The following TGFBR3 variants were observed in gnomAD, a reference collection of about 807,000 sequenced individuals.
TGFBR3 encodes transforming growth factor beta receptor type 3.
TGFBR3 carries 46 observed loss-of-function variants against 87.9 expected under a neutral mutation model. The ratio of observed to expected loss-of-function variants is 0.52; its 90% CI spans 0.41 to 0.67. The LOEUF is 0.67. Ranked by LOEUF, TGFBR3 falls within the 30% of genes least tolerant of loss-of-function variation. The pLI is 0.00. For missense variants in TGFBR3, 866 were observed against 1,041.9 expected, an observed-to-expected ratio of 0.83 and a Z score of 2.32; for synonymous variants, 381 against 391.6, an observed-to-expected ratio of 0.97 and a Z score of 0.32.
At chr1:91,835,633 C>T (rs1284221071) in intron 2 of TGFBR3, among the ~76,000 whole-genome samples, 1 of 151,916 alleles carries the variant, frequency 6.6e-6, no homozygotes, top group Non-Finnish European at 1.5e-5. Context: ...TCGAGACCAT[C>T]CTGGCTAACA....
chr1:91,900,034 T>C (rs2101348193), intron 1 of TGFBR3, among the ~76,000 whole-genome samples: 1 of 152,252 alleles, frequency 6.6e-6, no homozygotes, highest in African/African-American at 2.4e-5. Flanking sequence ...TGCATAGATA[T>C]TTGGAGTAGT....
intron 2 of TGFBR3, among the ~76,000 whole-genome samples, chr1:91,830,259 G>A (rs899050810): frequency 6.6e-6 from 1 of 152,170 alleles, no homozygotes; most frequent in African/African-American, 2.4e-5. Flanking sequence ...AGCCTGGCAG[G>A]GTTATGCTTG....
At chr1:91,815,764 T>C (rs1266140815) in intron 2 of TGFBR3, among the ~76,000 whole-genome samples, 1 of 152,142 alleles carries the variant, frequency 6.6e-6, no homozygotes, top group Non-Finnish European at 1.5e-5. Flanking sequence ...AAGAGACAAA[T>C]GAAATCAATC....
intron 4 of TGFBR3, among the ~76,000 whole-genome samples, chr1:91,735,653 C>T (rs1166850946): frequency 6.6e-6 from 1 of 152,196 alleles, no homozygotes; most frequent in African/African-American, 2.4e-5. Flanking sequence ...ATGACGTATG[C>T]AAGTACCTCA....
At position 91,897,211 on chromosome 1, in the gene TGFBR3, G is replaced by A. The variant is rs116023634; in HGVS notation, c.-114+2426C>T. Among the ~76,000 whole-genome samples the A allele has an allele frequency of 9.3e-4, 142 of 152,288 alleles. 1 individual carries two copies. Among genetic ancestry groups the A allele is most frequent in the African/African-American group, 3.2e-3 (134 of 41,566 alleles). ...CTCTGCAGCTCCACTGCCTTTGCAG[G>A]TATTGTACTGTCAAATGTAGCCTGC... On this transcript the variant is annotated intron_variant, in intron 2 of 17. Transcript: ENST00000370399.
At chr1:91,833,427 C>T (rs1211773879) in intron 2 of TGFBR3, among the ~76,000 whole-genome samples, 1 of 123,882 alleles carries the variant, frequency 8.1e-6, no homozygotes, top group Admixed American at 8.7e-5. Context: ...CACCACTGCA[C>T]TCCACCCTGG....
At chr1:91,830,603 A>G (rs753655851) in intron 2 of TGFBR3, among the ~76,000 whole-genome samples, 3 of 152,134 alleles carry the variant, frequency 2.0e-5, no homozygotes, top group Non-Finnish European at 4.4e-5. Flanking sequence ...CATACCAGCC[A>G]GTACTTTATA....
chr1:91,721,809 A>G, intron 8 of TGFBR3, 146 bp downstream of exon 8: 1 of 737,784 alleles, frequency 1.4e-6, no homozygotes, highest in East Asian at 2.7e-5. Context: ...TGTCTAGGTA[A>G]TTTTAAGCCT....
intron 1 of TGFBR3, among the ~76,000 whole-genome samples, chr1:91,867,495 C>T (rs1325505611): frequency 6.6e-6 from 1 of 152,168 alleles, no homozygotes; most frequent in African/African-American, 2.4e-5. Flanking sequence ...CTTAAGAGCC[C>T]TTCCATCTAT....
At position 91,861,574 on chromosome 1, in the gene TGFBR3, T is replaced by C. The variant is rs775116038; in HGVS notation, c.-43A>G. ...TGCGTCTCGTCCAGTCACTTCAGCC[T>C]GCTCAGAGCACAGACAATCTTTGCA... On this transcript the variant is annotated 5_prime_UTR_variant, in exon 2 of 17. Transcript: ENST00000212355. The C allele has an allele frequency of 3.4e-6, 5 of 1,483,294 alleles. No individual in the cohort carries two copies. In the African/African-American group the frequency reaches 5.5e-5, roughly 16 times the overall value. The allele number at this position is 1,483,294 out of a possible 1,614,324, so 91.9% of individuals were successfully genotyped here.
intron 1 of TGFBR3, among the ~76,000 whole-genome samples, chr1:91,878,662 G>C (rs1330092444): frequency 3.9e-5 from 6 of 152,170 alleles, no homozygotes; most frequent in Non-Finnish European, 5.9e-5. Flanking sequence ...TCAAGGACTA[G>C]TATCTGTAAA....
At chr1:91,902,638 A>ATAAAT (rs1679757414) in intron 1 of TGFBR3, among the ~76,000 whole-genome samples, 5 of 144,730 alleles carry the variant, frequency 3.5e-5, no homozygotes, top group African/African-American at 1.3e-4. Context: ...ACATCTTTTT[A>ATAAAT]GGTCTCTGAA....
chr1:91,714,089 T>G (rs1672080405), intron 12 of TGFBR3, among the ~76,000 whole-genome samples: 1 of 151,786 alleles, frequency 6.6e-6, no homozygotes, highest in African/African-American at 2.4e-5. Context: ...AGACCAGAAG[T>G]GAGTAGGAGA....
chr1:91,721,920 T>C (rs1457275198), intron 8 of TGFBR3, 35 bp downstream of exon 8: 29 of 1,590,842 alleles, frequency 1.8e-5, no homozygotes, highest in Admixed American at 1.0e-4. Flanking sequence ...ATTTGGGGGG[T>C]ATTTTTTACA....
rs1293314918 is a variant in TGFBR3 at position 91,729,770 on chromosome 1, T to C, written c.737+35A>G. On this transcript the variant is annotated intron_variant, in intron 6 of 16. Coordinates refer to ENST00000212355, the MANE Select transcript of TGFBR3 (RefSeq NM_003243.5). ...AAGTCAAGGAAGATCTTTACTTTCA[T>C]CTCTTGTCACACTCACACACTTAGA... The C allele has an allele frequency of 3.1e-6, 5 of 1,613,218 alleles. No homozygotes were observed. In the South Asian group the frequency reaches 4.4e-5, roughly 14 times the overall value.
chr1:91,850,101 A>G (rs12094295), intron 2 of TGFBR3, among the ~76,000 whole-genome samples: 14,848 of 134,318 alleles, frequency 0.11, 768 homozygotes, highest in East Asian at 0.29. Flanking sequence ...AAAAAAAAAA[A>G]AAAGAAAGAA....
intron 3 of TGFBR3, among the ~76,000 whole-genome samples, chr1:91,776,658 G>T (rs1412375372): frequency 6.6e-6 from 1 of 152,172 alleles, no homozygotes; most frequent in Non-Finnish European, 1.5e-5. Context: ...TCAGTGTAGT[G>T]CCATTACCTC....
At chr1:91,865,980 T>C (rs1678384512) in intron 1 of TGFBR3, among the ~76,000 whole-genome samples, 1 of 151,650 alleles carries the variant, frequency 6.6e-6, no homozygotes, top group Non-Finnish European at 1.5e-5. Context: ...ACAAATGTGC[T>C]GCTAATTCTG....
chr1:91,748,867 C>T (rs1196311176), intron 4 of TGFBR3, among the ~76,000 whole-genome samples: 3 of 152,070 alleles, frequency 2.0e-5, no homozygotes, highest in Non-Finnish European at 4.4e-5. Context: ...CATCTTAAAA[C>T]AAAGACAACA....
Sources: allele counts gnomAD v4.1 joint callset (sites outside exome capture counted in the v4.1 genomes callset), GRCh38; gene constraint gnomAD v4.1.1; transcripts MANE v1.5; gene names NCBI Gene and HGNC (gene_info 2026-07-23, HGNC 2026-07-21).